The following RAB11FIP1 variants were observed in gnomAD, a reference collection of about 807,000 sequenced individuals.
RAB11FIP1 encodes rab11 family-interacting protein 1.
A neutral mutation model predicts 83.1 loss-of-function variants in RAB11FIP1; 49 were observed. That is an observed-to-expected ratio of 0.59 (90% CI 0.47 to 0.75). The LOEUF (loss-of-function observed/expected upper bound fraction) is 0.75. Ranked by LOEUF, RAB11FIP1 falls within the 30% of genes least tolerant of loss-of-function variation. The pLI, the probability that RAB11FIP1 is intolerant of heterozygous loss-of-function variation, is 0.00. For synonymous variants in RAB11FIP1, 670 were observed against 656.0 expected, an observed-to-expected ratio of 1.02 and a Z score of -0.33; for missense variants, 1,536 against 1,598.7, an observed-to-expected ratio of 0.96 and a Z score of 0.67.
At chr8:37,893,211 A>G (rs1806986190) in intron 1 of RAB11FIP1, among the ~76,000 whole-genome samples, 4 of 151,728 alleles carry the variant, frequency 2.6e-5, no homozygotes. Context: ...AGTAGCCAGG[A>G]TTACAGGTGC....
rs1806493463 is a variant in RAB11FIP1, at chr8:37,872,494, C to T, written c.2308G>A (p.Glu770Lys). ...VESKARDAAE[E>K]VAPPLPMGAS... ...CCCATGGGAAGAGGGGGCGCCACTT[C>T]TTCAGCTGCATCCCTGGCTTTGCTC... Residue 770 changes from glutamate to lysine, a missense_variant, in exon 4 of 6, where the codon GAA becomes AAA. By Grantham distance (56) the Glu-to-Lys change is moderately conservative. Coordinates refer to ENST00000330843, the MANE Select transcript of RAB11FIP1 (RefSeq NM_001002814.3). The T allele has an allele frequency of 6.2e-7, 1 of 1,614,152 alleles. No individual in the cohort carries two copies. The highest frequency in any genetic ancestry group is 8.5e-7 in the Non-Finnish European group (1 of 1,180,016).
At chr8:37,869,810 G>A (rs1041712368) in intron 5 of RAB11FIP1, among the ~76,000 whole-genome samples, 2 of 152,172 alleles carry the variant, frequency 1.3e-5, no homozygotes, top group Non-Finnish European at 2.9e-5. Flanking sequence ...GTGGTCAAAT[G>A]TTAACCACTA....
chr8:37,871,469 G>A lies in RAB11FIP1; in HGVS notation c.3333C>T (p.Pro1111=), dbSNP rs756731065. ...SEIFPVTHSF[P]SSAHSDTHHT... ...GGTGAGTGTCAGAATGTGCAGAGCT[G>A]GGGAAAGAGTGTGTGACAGGAAAGA... Residue 1111 remains proline (P), a synonymous_variant, in exon 4 of 6, where the codon CCC becomes CCT. Coordinates refer to ENST00000330843, the MANE Select transcript of RAB11FIP1 (RefSeq NM_001002814.3). 4.3e-5 allele frequency: 70 copies of A among 1,613,902 alleles called. No homozygotes were observed. Among genetic ancestry groups the A allele is most frequent in the Non-Finnish European group, 5.9e-5 (70 of 1,179,954 alleles).
chr8:37,888,919 T>A (rs1806891004), intron 1 of RAB11FIP1, among the ~76,000 whole-genome samples: 1 of 148,674 alleles, frequency 6.7e-6, no homozygotes, highest in Non-Finnish European at 1.5e-5. Flanking sequence ...TGCCTCAGCC[T>A]CCTGAGTAGC....
intron 1 of RAB11FIP1, among the ~76,000 whole-genome samples, chr8:37,896,972 CAT>C (rs947358548): frequency 1.3e-5 from 2 of 152,140 alleles, no homozygotes; most frequent in Admixed American, 6.6e-5. Flanking sequence ...TGAATACACA[CAT>C]GTTGGGATGG....
At chr8:37,876,214 A>AAAGAAAGG (rs1806604667) in intron 2 of RAB11FIP1, among the ~76,000 whole-genome samples, 48 of 128,384 alleles carry the variant, frequency 3.7e-4, no homozygotes, top group Non-Finnish European at 6.3e-4. Context: ...GAAAAGAAAG[A>AAAGAAAGG]AAGGAAGGAA....
At chr8:37,882,343 T>G (rs1394343273) in intron 1 of RAB11FIP1, among the ~76,000 whole-genome samples, 1 of 152,240 alleles carries the variant, frequency 6.6e-6, no homozygotes, top group Non-Finnish European at 1.5e-5. Context: ...AGATGGATAA[T>G]GTTTACCAAA....
chr8:37,872,344 C>T lies in RAB11FIP1; in HGVS notation c.2458G>A (p.Ala820Thr). 1.2e-6 allele frequency: 2 copies of T among 1,614,218 alleles called. No homozygotes were observed. Among genetic ancestry groups the T allele is most frequent in the Non-Finnish European group, 1.7e-6 (2 of 1,180,038 alleles). Residue 820 changes from alanine to threonine, a missense_variant, in exon 4 of 6, where the codon GCA becomes ACA. By Grantham distance (58) the Ala-to-Thr change is moderately conservative. Transcript: ENST00000330843. ...SFSEQLFTEE[A>T]VAGAALLVEG... is the part of the protein sequence containing the mutation. Reference sequence around the variant, plus strand: ...ACCAGCAAGGCAGCCCCCGCCACTGCCTCTTCCGTGAAGAGCTGCTCAGAA... The same window carrying T: ...ACCAGCAAGGCAGCCCCCGCCACTGTCTCTTCCGTGAAGAGCTGCTCAGAA...
Position 37,862,911 on chromosome 8 carries a change from T to G in RAB11FIP1, c.3836A>C (p.Lys1279Thr), listed in dbSNP as rs1366386755. 2 of 1,610,502 alleles carry G rather than the reference T, an allele frequency of 1.2e-6. No individual in the cohort carries two copies. Among genetic ancestry groups the G allele is most frequent in the South Asian group, 2.2e-5 (2 of 91,000 alleles). Residue 1279 changes from lysine (K) to threonine (T), a missense_variant, in exon 6 of 6, where the codon AAA (lysine) becomes ACA (threonine). Coordinates refer to ENST00000330843, the MANE Select transcript of RAB11FIP1 (RefSeq NM_001002814.3). ...ILRIPTQVGK[K>T]AGKM ...TCTGCTGATTTACATCTTTCCTGCT[T>G]TTTTGCCAACCTGAGTCGGGATGCG...
At chr8:37,883,806 T>C (rs776055345) in intron 1 of RAB11FIP1, among the ~76,000 whole-genome samples, 14 of 152,278 alleles carry the variant, frequency 9.2e-5, no homozygotes, top group Non-Finnish European at 2.1e-4. Flanking sequence ...CCCTGAAAGC[T>C]TGAATTATCT....
chr8:37,872,279 T>C lies in RAB11FIP1; in HGVS notation c.2523A>G (p.Ala841=). 2 of 1,614,020 alleles carry C rather than the reference T, an allele frequency of 1.2e-6. No homozygotes were observed. The highest frequency in any genetic ancestry group is 1.7e-6 in the Non-Finnish European group (2 of 1,179,976). Residue 841 remains alanine (A), a synonymous_variant, in exon 4 of 6, where the codon GCA becomes GCG. Coordinates refer to ENST00000330843, the MANE Select transcript of RAB11FIP1 (RefSeq NM_001002814.3). ...HSSCPQELNP[A]WSVAGNASDG... Reference sequence around the variant, plus strand: ...CAGACGCGTTTCCAGCAACAGACCATGCAGGGTTCAGCTCCTGGGGACAAC... The same window carrying C: ...CAGACGCGTTTCCAGCAACAGACCACGCAGGGTTCAGCTCCTGGGGACAAC...
In RAB11FIP1 at chr8:37,874,952, C is replaced by T; in HGVS notation, c.1185G>A (p.Leu395=). The T allele has an allele frequency of 6.2e-7, 1 of 1,614,194 alleles. No homozygotes were observed. Among genetic ancestry groups the T allele is most frequent in the African/African-American group, 1.3e-5 (1 of 75,038 alleles). ...CCAGTGGGGCAGGTCGGTAGGACGG[C>T]AGGGTCATAGACTTCAAGGAGTCCT... ...STKDSLKSMT[L]PSYRPAPLVS... is the part of the protein sequence containing the mutation. The change falls in exon 3 of 6, where the codon CTG becomes CTA. Residue 395 remains leucine, a synonymous_variant. Coordinates refer to ENST00000330843, the MANE Select transcript of RAB11FIP1 (RefSeq NM_001002814.3).
chr8:37,867,797 C>A (rs1163796191), intron 5 of RAB11FIP1, among the ~76,000 whole-genome samples: 1 of 151,976 alleles, frequency 6.6e-6, no homozygotes. Flanking sequence ...GGCAAGGCAG[C>A]AAGAAGATGC....
Position 37,872,204 on chromosome 8 carries a change from C to G in RAB11FIP1, c.2598G>C (p.Ser866=). 1 of 1,614,062 alleles carries G rather than the reference C, an allele frequency of 6.2e-7. No homozygotes were observed. Among genetic ancestry groups the G allele is most frequent in the Non-Finnish European group, 8.5e-7 (1 of 1,179,994 alleles). The change falls in exon 4 of 6, where the codon TCG becomes TCC. Residue 866 remains serine (S), a synonymous_variant. Coordinates refer to ENST00000330843, the MANE Select transcript of RAB11FIP1 (RefSeq NM_001002814.3). Reference sequence around the variant, plus strand: ...ACGTCGCTGGCCCAGGTGTGGTCACCGATTCCCTTTCTGAGTCCTCTGCGT... The same window carrying G: ...ACGTCGCTGGCCCAGGTGTGGTCACGGATTCCCTTTCTGAGTCCTCTGCGT... The part of the protein sequence containing the change: ...SPHAEDSERE[S]VTTPGPATCG...
intron 5 of RAB11FIP1, among the ~76,000 whole-genome samples, chr8:37,869,247 T>A (rs1022167602): frequency 1.4e-5 from 2 of 147,000 alleles, no homozygotes; most frequent in African/African-American, 5.1e-5. Context: ...AAAAAAAAAA[T>A]TCCTGATTTT....
chr8:37,867,947 G>A (rs1215221093), intron 5 of RAB11FIP1, among the ~76,000 whole-genome samples: 1 of 152,020 alleles, frequency 6.6e-6, no homozygotes, highest in Non-Finnish European at 1.5e-5. Context: ...CAAGTACCCA[G>A]CACTTGAAAA....
rs750958796 is a variant in RAB11FIP1 at position 37,872,551 on chromosome 8, C to T, written c.2251G>A (p.Asp751Asn). Reference protein sequence around the residue: ...VGELAAGGDRDLESQAGSLVE... With the variant: ...VGELAAGGDRNLESQAGSLVE... ...AGAGACCCAGCCTGACTCTCCAAGT[C>T]TCTGTCTCCTCCTGCTGCAAGCTCC... The change falls in exon 4 of 6, where the codon GAC becomes AAC. Residue 751 changes from aspartate to asparagine, a missense_variant. Physicochemically the swap from Asp to Asn is conservative, Grantham distance 23. Transcript: ENST00000330843. The T allele has an allele frequency of 1.2e-5, 20 of 1,614,246 alleles. No individual in the cohort carries two copies. The highest frequency in any genetic ancestry group is 1.6e-5 in the Non-Finnish European group (19 of 1,180,040).
At chr8:37,873,343 G>A (rs931853874) in intron 3 of RAB11FIP1, 164 bp from the exon 4 acceptor site, 23 of 710,066 alleles carry the variant, frequency 3.2e-5, no homozygotes, top group African/African-American at 1.4e-4. Context: ...GGTGGCTCAC[G>A]CCTGTAATCC....
At position 37,872,712 on chromosome 8, in the gene RAB11FIP1, G is replaced by C. The variant is rs1484663528; in HGVS notation, c.2090C>G (p.Pro697Arg). 1.2e-6 allele frequency: 2 copies of C among 1,614,084 alleles called. No homozygotes were observed. The highest frequency in any genetic ancestry group is 2.2e-5 in the East Asian group (1 of 44,896). ...LELEESLPEQ[P>R]ETGRQEEELP... ...TTCTTCCTCTTGTCGCCCTGTTTCA[G>C]GCTGCTCTGGGAGAGACTCCTCCAA... Residue 697 changes from proline (P) to arginine (R), a missense_variant, in exon 4 of 6, where the codon CCT becomes CGT. By Grantham distance (103) the Pro-to-Arg change is moderately radical. Coordinates refer to ENST00000330843, the MANE Select transcript of RAB11FIP1 (RefSeq NM_001002814.3).
Sources: gnomAD v4.1 joint callset for allele counts (sites outside exome capture counted in the v4.1 genomes callset) on GRCh38, gnomAD v4.1.1 for gene constraint, MANE v1.5 for transcripts, NCBI Gene and HGNC (gene_info 2026-07-23, HGNC 2026-07-21) for gene names.